PDE3B: variants seen among roughly 807,000 people sequenced by gnomAD.
PDE3B encodes cGMP-inhibited 3',5'-cyclic phosphodiesterase 3B.
Under a neutral mutation model 116.8 loss-of-function variants are expected in PDE3B, and 66 were observed. That is an observed-to-expected ratio of 0.56 (90% CI 0.46 to 0.69). The LOEUF is 0.69. Among genes scored for constraint, PDE3B ranks in the 30% least tolerant of loss-of-function variants. The pLI is 0.00. For missense variants in PDE3B, 1,384 were observed against 1,368.1 expected, an observed-to-expected ratio of 1.01 and a Z score of -0.18; for synonymous variants, 595 against 533.6, an observed-to-expected ratio of 1.12 and a Z score of -1.59.
intron 14 of PDE3B, among the ~76,000 whole-genome samples, chr11:14,867,198 A>G (rs1353222470): frequency 6.6e-6 from 1 of 152,162 alleles, no homozygotes; most frequent in Non-Finnish European, 1.5e-5. Flanking sequence ...AGAATCCATA[A>G]TTGACACTAT....
At chr11:14,851,045 G>C (rs546515479) in intron 12 of PDE3B, among the ~76,000 whole-genome samples, 1 of 145,564 alleles carries the variant, frequency 6.9e-6, no homozygotes, top group African/African-American at 2.6e-5. Context: ...GGATGGTCTC[G>C]ATCTCTTGAC....
chr11:14,721,419 A>C (rs957552006), intron 1 of PDE3B, among the ~76,000 whole-genome samples: 9 of 150,898 alleles, frequency 6.0e-5, no homozygotes, highest in Non-Finnish European at 1.3e-4. Context: ...CCATCCCATT[A>C]CTGGGTATAT....
chr11:14,744,218 C>G (rs1478757907), intron 1 of PDE3B, among the ~76,000 whole-genome samples: 6 of 152,062 alleles, frequency 3.9e-5, no homozygotes, highest in African/African-American at 1.4e-4. Context: ...CTATGTGAGT[C>G]TTATACTGTT....
intron 12 of PDE3B, among the ~76,000 whole-genome samples, chr11:14,846,143 A>G (rs546059964): frequency 8.4e-4 from 128 of 152,346 alleles, no homozygotes; most frequent in African/African-American, 2.8e-3. Flanking sequence ...CGGATCTCTC[A>G]GCAGAAACTC....
chr11:14,726,799 G>A (rs1176644889), intron 1 of PDE3B, among the ~76,000 whole-genome samples: 1 of 152,178 alleles, frequency 6.6e-6, no homozygotes, highest in Non-Finnish European at 1.5e-5. Context: ...TCAGTGGAGT[G>A]GTTGGGGTAG....
intron 1 of PDE3B, among the ~76,000 whole-genome samples, chr11:14,666,017 A>C (rs1371192002): frequency 6.6e-6 from 1 of 152,134 alleles, no homozygotes; most frequent in Non-Finnish European, 1.5e-5. Context: ...GCATCACACT[A>C]CCTGACTTCA....
Position 14,869,717 on chromosome 11 carries a change from G to A in PDE3B, c.*57G>A, listed in dbSNP as rs1467323854. On this transcript the variant is annotated 3_prime_UTR_variant, in exon 16 of 16. Coordinates refer to ENST00000282096, the MANE Select transcript of PDE3B (RefSeq NM_000922.4). ...AAGAAGCCCAGAGGGTTGTGCCCAGGGGCAGAAATCATTGCCTAGTGTTCA... is the reference window on the plus strand; with the variant it reads ...AAGAAGCCCAGAGGGTTGTGCCCAGAGGCAGAAATCATTGCCTAGTGTTCA... The A allele has an allele frequency of 6.9e-7, 1 of 1,457,340 alleles. No individual in the cohort carries two copies. The highest frequency in any genetic ancestry group is 9.5e-7 in the Non-Finnish European group (1 of 1,051,928). The allele number at this position is 1,457,340 out of a possible 1,614,324, so 90.3% of individuals were successfully genotyped here.
chr11:14,723,312 G>A (rs934845982), intron 1 of PDE3B, among the ~76,000 whole-genome samples: 1 of 152,174 alleles, frequency 6.6e-6, no homozygotes, highest in African/African-American at 2.4e-5. Flanking sequence ...GATGGATGCT[G>A]GAGATATAGT....
chr11:14,755,437 T>C (rs1857159183), intron 1 of PDE3B, among the ~76,000 whole-genome samples: 1 of 152,202 alleles, frequency 6.6e-6, no homozygotes, highest in Admixed American at 6.5e-5. Flanking sequence ...AAGAATCTAA[T>C]AGAATTTTAT....
chr11:14,673,683 A>G (rs2133784517), intron 1 of PDE3B: 2 of 731,408 alleles, frequency 2.7e-6, no homozygotes, highest in South Asian at 2.7e-5. Context: ...GAAATCATGA[A>G]GATAATTCAG....
At chr11:14,655,533 T>C (rs923215796) in intron 1 of PDE3B, among the ~76,000 whole-genome samples, 1 of 152,162 alleles carries the variant, frequency 6.6e-6, no homozygotes, top group African/African-American at 2.4e-5. Flanking sequence ...GGGGGAAATA[T>C]AAAGATCAAT....
intron 2 of PDE3B, among the ~76,000 whole-genome samples, chr11:14,777,970 T>TA (rs1857841474): frequency 6.6e-6 from 1 of 152,190 alleles, no homozygotes; most frequent in Non-Finnish European, 1.5e-5. Flanking sequence ...TTCCACCTAA[T>TA]ACTGCGCTTT....
At chr11:14,850,965 A>G (rs1439841541) in intron 12 of PDE3B, among the ~76,000 whole-genome samples, 1 of 148,290 alleles carries the variant, frequency 6.7e-6, no homozygotes, top group African/African-American at 2.5e-5. Context: ...AGTAGCTGGG[A>G]CTACCACACC....
chr11:14,772,493 C>G (rs1180280822), intron 2 of PDE3B: 1 of 152,200 alleles, frequency 6.6e-6, no homozygotes, highest in Non-Finnish European at 1.5e-5. Flanking sequence ...GTTAAACATC[C>G]CATGTAACTG....
the PDE3B span, among the ~76,000 whole-genome samples, chr11:14,881,987 A>T: frequency 2.0e-5 from 3 of 152,120 alleles, no homozygotes; most frequent in Non-Finnish European, 4.4e-5. Context: ...TTACATTCCA[A>T]CAACTTATTG....
chr11:14,703,833 A>G (rs1855447207), intron 1 of PDE3B, among the ~76,000 whole-genome samples: 1 of 151,478 alleles, frequency 6.6e-6, no homozygotes, highest in African/African-American at 2.4e-5. Flanking sequence ...TTTTTAAAAC[A>G]CCTTAAATGT....
chr11:14,687,211 G>T (rs1854904128), intron 1 of PDE3B, among the ~76,000 whole-genome samples: 1 of 152,132 alleles, frequency 6.6e-6, no homozygotes, highest in Non-Finnish European at 1.5e-5. Context: ...CTTCTTGCTA[G>T]AATGAAGTTC....
At chr11:14,890,646 A>T in the PDE3B span, 15 of 212,078 alleles carry the variant, frequency 7.1e-5, no homozygotes, top group East Asian at 2.9e-3. Context: ...TCCCGGGTTC[A>T]CGCCATTCTC....
chr11:14,767,903 AT>A (rs1156567600), intron 1 of PDE3B, among the ~76,000 whole-genome samples: 1 of 150,926 alleles, frequency 6.6e-6, no homozygotes, highest in African/African-American at 2.4e-5. Context: ...TCATATATAT[AT>A]TTTTTTCGTG....
Sources: allele counts gnomAD v4.1 joint callset (sites outside exome capture counted in the v4.1 genomes callset), GRCh38; gene constraint gnomAD v4.1.1; transcripts MANE v1.5; gene names NCBI Gene and HGNC (gene_info 2026-07-23, HGNC 2026-07-21).